The following RNF13 variants were observed in gnomAD, a reference collection of about 807,000 sequenced individuals.
RNF13 encodes the protein E3 ubiquitin-protein ligase RNF13.
In RNF13, 19 loss-of-function variants were observed where a neutral mutation model predicts 37.7. The ratio of observed to expected loss-of-function variants is 0.50; its 90% confidence interval spans 0.35 to 0.74. RNF13 has a LOEUF of 0.74. RNF13 is among the 30% of genes least tolerant of loss of function. The pLI is 0.01. For synonymous variants in RNF13, 144 were observed against 157.8 expected (o/e 0.91, Z 0.65); for missense variants, 375 against 453.0 (o/e 0.83, Z 1.56).
chr3:149,935,329 ATCAC>A (rs2108566298), intron 8 of RNF13, among the ~76,000 whole-genome samples: 1 of 152,194 alleles, frequency 6.6e-6, no homozygotes, highest in East Asian at 1.9e-4. Context: ...TATTCATTTA[ATCAC>A]TCTATGTCTT....
At chr3:149,897,889 C>A (rs1715437112) in intron 5 of RNF13, among the ~76,000 whole-genome samples, 2 of 152,056 alleles carry the variant, frequency 1.3e-5, no homozygotes, top group African/African-American at 4.8e-5. Context: ...AGGAATATAC[C>A]AATTTTTATT....
chr3:149,894,286 C>G (rs1198466299), intron 4 of RNF13, among the ~76,000 whole-genome samples: 2 of 152,132 alleles, frequency 1.3e-5, no homozygotes, highest in Non-Finnish European at 2.9e-5. Flanking sequence ...TAATTTTTCT[C>G]TGTGCCAAGT....
chr3:149,888,537 A>G (rs530108523), intron 4 of RNF13, among the ~76,000 whole-genome samples: 37 of 152,330 alleles, frequency 2.4e-4, no homozygotes, highest in Non-Finnish European at 4.1e-4. Context: ...CTGTTCTTCA[A>G]ACATTACAAA....
At chr3:149,834,314 G>T (rs1721367095) in intron 1 of RNF13, among the ~76,000 whole-genome samples, 1 of 152,178 alleles carries the variant, frequency 6.6e-6, no homozygotes, top group Non-Finnish European at 1.5e-5. Flanking sequence ...AAAGTTGTAG[G>T]TCGTATACTT....
chr3:149,944,486 C>T (rs866831219), intron 8 of RNF13, among the ~76,000 whole-genome samples: 1 of 152,162 alleles, frequency 6.6e-6, no homozygotes, highest in Non-Finnish European at 1.5e-5. Context: ...CCTGTTGTTT[C>T]CTGACTTTTT....
chr3:149,862,120 C>A (rs1316917990), intron 3 of RNF13, among the ~76,000 whole-genome samples: 11 of 151,994 alleles, frequency 7.2e-5, no homozygotes, highest in Non-Finnish European at 1.5e-4. Context: ...TGGATATCTT[C>A]CCATATAAAA....
chr3:149,911,238 G>C (rs1206232341), intron 6 of RNF13, among the ~76,000 whole-genome samples: 2 of 152,190 alleles, frequency 1.3e-5, no homozygotes, highest in Non-Finnish European at 2.9e-5. Context: ...TGACGCTAGA[G>C]TTTTTCCATA....
intron 1 of RNF13, among the ~76,000 whole-genome samples, chr3:149,835,633 TTGTGTGTG>T (rs3039646): frequency 3.3e-4 from 46 of 138,836 alleles, no homozygotes; most frequent in Non-Finnish European, 4.8e-4. Flanking sequence ...TAGTATTCCA[TTGTGTGTG>T]TGTGTGTGTG....
At chr3:149,817,792 T>C (rs1719614639) in intron 1 of RNF13, among the ~76,000 whole-genome samples, 1 of 152,144 alleles carries the variant, frequency 6.6e-6, no homozygotes, top group Non-Finnish European at 1.5e-5. Context: ...ACATGATAGA[T>C]AGTAATTGAG....
intron 1 of RNF13, among the ~76,000 whole-genome samples, chr3:149,832,954 A>G (rs1382497067): frequency 2.6e-5 from 4 of 152,112 alleles, no homozygotes; most frequent in Admixed American, 2.6e-4. Context: ...TTTAAGGAAG[A>G]ATCAACATCA....
In RNF13 at chr3:149,962,021, G is replaced by T. The variant is rs1295605695; in HGVS notation, c.*917G>T. On this transcript the variant is annotated 3_prime_UTR_variant, in exon 10 of 10. Transcript: ENST00000392894. ...ATGAAAAGCTAAATTATACATCATT[G>T]TAACTATGTAGAAAGTGTAGACTAA... 8 of 152,748 alleles carry T rather than the reference G, an allele frequency of 5.2e-5. No homozygotes were observed. The highest frequency in any genetic ancestry group is 1.7e-4 in the African/African-American group (7 of 41,558). The allele number at this position is 152,748 out of a possible 1,614,324, so 9.5% of individuals were successfully genotyped here.
chr3:149,902,126 C>A lies in RNF13; in HGVS notation c.464C>A (p.Ala155Asp). ...IPSVFIGESS[A>D]NSLKDEFTYE... ...TCTGTCTTTATTGGTGAATCATCAG[C>A]TAATTCTCTGAAAGATGAATTCACA... The change falls in exon 6 of 10, where the codon GCT becomes GAT. Residue 155 changes from alanine to aspartate, a missense_variant. Transcript: ENST00000392894. 6.5e-7 allele frequency: 1 copy of A among 1,527,166 alleles called. No homozygotes were observed. The highest frequency in any genetic ancestry group is 8.8e-7 in the Non-Finnish European group (1 of 1,133,664). 94.6% of individuals were successfully genotyped at this position (1,527,166 alleles called of 1,614,324 possible).
At chr3:149,903,892 C>T (rs1716105695) in intron 6 of RNF13, among the ~76,000 whole-genome samples, 1 of 151,714 alleles carries the variant, frequency 6.6e-6, no homozygotes. Context: ...AATTGTAGAC[C>T]CGTACATAAA....
At chr3:149,902,800 C>A (rs1274292996) in intron 6 of RNF13, among the ~76,000 whole-genome samples, 2 of 152,036 alleles carry the variant, frequency 1.3e-5, no homozygotes, top group African/African-American at 2.4e-5. Flanking sequence ...CGTAGTTGAC[C>A]AGAACAGACT....
chr3:149,871,060 G>A (rs1711988894), intron 3 of RNF13, among the ~76,000 whole-genome samples: 2 of 119,840 alleles, frequency 1.7e-5, no homozygotes, highest in South Asian at 2.6e-4. Context: ...TTTTTTTTCC[G>A]AGACGGAGTT....
chr3:149,891,290 A>T (rs534366559), intron 4 of RNF13, among the ~76,000 whole-genome samples: 2 of 152,312 alleles, frequency 1.3e-5, no homozygotes, highest in East Asian at 3.9e-4. Flanking sequence ...GCACACAGAG[A>T]TTTCTTTTTA....
At chr3:149,826,869 G>C (rs1436667787) in intron 1 of RNF13, among the ~76,000 whole-genome samples, 1 of 152,114 alleles carries the variant, frequency 6.6e-6, no homozygotes, top group Non-Finnish European at 1.5e-5. Context: ...CGATCCTCAT[G>C]CCTCAGCCTC....
rs1722383239 is a variant in RNF13 at position 149,961,229 on chromosome 3, A to T, written c.*125A>T. 4 of 834,322 alleles carry T rather than the reference A, an allele frequency of 4.8e-6. No homozygotes were observed. Among genetic ancestry groups the T allele is most frequent in the Non-Finnish European group, 7.5e-6 (4 of 536,110 alleles). The allele number at this position is 834,322 out of a possible 1,614,324, so 51.7% of individuals were successfully genotyped here. On this transcript the variant is annotated 3_prime_UTR_variant, in exon 10 of 10. Transcript: ENST00000392894. The stretch of plus-strand genomic sequence containing the variant: ...TTTTTTAGTATTCTACAGTTTAATC[A>T]AATTACTGAAACAGGACTTTTGATC...
intron 8 of RNF13, among the ~76,000 whole-genome samples, chr3:149,921,995 A>G (rs541906320): frequency 1.5e-4 from 22 of 151,434 alleles, no homozygotes; most frequent in Non-Finnish European, 3.2e-4. Flanking sequence ...TTCTTTTGAG[A>G]CGGAGTCTCA....
Sources: gnomAD v4.1 joint callset for allele counts (sites outside exome capture counted in the v4.1 genomes callset) on GRCh38, gnomAD v4.1.1 for gene constraint, MANE v1.5 for transcripts, NCBI Gene and HGNC (gene_info 2026-07-23, HGNC 2026-07-21) for gene names.